Variants in SLC22A16 observed in about 807,000 individuals in gnomAD.
SLC22A16 encodes the protein solute carrier family 22 member 16, also known as WUGSC:RG331P03.1.
SLC22A16 carries 53 observed loss-of-function variants against 52.9 expected under a neutral mutation model. The ratio of observed to expected loss-of-function variants is 1.00; its 90% CI spans 0.80 to 1.26. SLC22A16 has a LOEUF of 1.26. Ranked by LOEUF, SLC22A16 falls within the 50% of genes most tolerant of loss-of-function variation. The pLI is 0.00. For synonymous variants in SLC22A16, 291 were observed against 268.8 expected (o/e 1.08, Z -0.81); for missense variants, 726 against 704.0 (o/e 1.03, Z -0.35).
intron 1 of SLC22A16, among the ~76,000 whole-genome samples, chr6:110,470,205 C>A (rs1317617483): frequency 6.6e-6 from 1 of 152,068 alleles, no homozygotes; most frequent in South Asian, 2.1e-4. Context: ...TTGTTGAGAG[C>A]CTAAGGAGCA....
chr6:110,473,338 C>G (rs148702668), intron 1 of SLC22A16, among the ~76,000 whole-genome samples: 32 of 152,144 alleles, frequency 2.1e-4, no homozygotes, highest in Middle Eastern at 3.4e-3. Context: ...ACTCAGGGAT[C>G]CAGGTTCAGA....
intron 5 of SLC22A16, among the ~76,000 whole-genome samples, chr6:110,436,552 G>A (rs62421681): frequency 0.063 from 9,519 of 152,168 alleles, 380 homozygotes; most frequent in Non-Finnish European, 0.091. Flanking sequence ...TTTAAGCCCA[G>A]GAGTTCAAGA....
chr6:110,445,981 A>G (rs749099306), intron 3 of SLC22A16, among the ~76,000 whole-genome samples: 37 of 152,074 alleles, frequency 2.4e-4, no homozygotes, highest in Non-Finnish European at 3.7e-4. Context: ...GGCCAACTGT[A>G]TGGTTTGCTA....
rs149178323 is a variant in SLC22A16, at chr6:110,448,617, C to G, written c.534-1627G>C. Reference sequence around the variant, plus strand: ...TTGTTGGCCCTATATATGAATGTTCCCCAATCTAATTTTATCCCTGAATGC... The same window carrying G: ...TTGTTGGCCCTATATATGAATGTTCGCCAATCTAATTTTATCCCTGAATGC... On this transcript the variant is annotated intron_variant, in intron 2 of 7. Transcript: ENST00000368919. 2.5e-3 allele frequency among the ~76,000 whole-genome samples: 373 copies of G among 152,230 alleles called. 1 individual carries two copies. The highest frequency in any genetic ancestry group is 8.5e-3 in the African/African-American group (355 of 41,540).
chr6:110,446,254 T>C (rs949722851), intron 3 of SLC22A16, among the ~76,000 whole-genome samples: 4 of 152,222 alleles, frequency 2.6e-5, no homozygotes, highest in Non-Finnish European at 5.9e-5. Flanking sequence ...AGTCCATTTC[T>C]AGTAAGTTAC....
chr6:110,472,285 G>C (rs1299088737), intron 1 of SLC22A16, among the ~76,000 whole-genome samples: 1 of 152,004 alleles, frequency 6.6e-6, no homozygotes, highest in African/African-American at 2.4e-5. Flanking sequence ...AAACTGTCTG[G>C]TTCTCCCTGC....
rs1332076138 is a variant in SLC22A16 at position 110,424,827 on chromosome 6, T to C, written c.*46A>G. 6.2e-7 allele frequency: 1 copy of C among 1,608,724 alleles called. No individual in the cohort carries two copies. Among genetic ancestry groups the C allele is most frequent in the South Asian group, 1.1e-5 (1 of 90,604 alleles). On this transcript the variant is annotated 3_prime_UTR_variant, in exon 8 of 8. Transcript: ENST00000368919. ...ATAAGATTCCTCTAATACAAAGGCA[T>C]TAGGGTAAATAATATTTCAGGTGCT...
intron 5 of SLC22A16, among the ~76,000 whole-genome samples, chr6:110,438,154 A>G (rs1454116926): frequency 6.6e-6 from 1 of 152,148 alleles, no homozygotes; most frequent in African/African-American, 2.4e-5. Flanking sequence ...GTGTGTTCTC[A>G]GCACCTGGCA....
At chr6:110,425,359 C>T in intron 7 of SLC22A16, 1 of 1,379,724 alleles carries the variant, frequency 7.2e-7, no homozygotes, top group Non-Finnish European at 9.6e-7. Context: ...TGCATTATTA[C>T]TCCTGAAGGT....
intron 7 of SLC22A16, among the ~76,000 whole-genome samples, chr6:110,429,671 G>A (rs1337770658): frequency 6.6e-6 from 1 of 152,184 alleles, no homozygotes; most frequent in African/African-American, 2.4e-5. Flanking sequence ...AAGCACAACA[G>A]CCTGACTGGG....
intron 4 of SLC22A16, chr6:110,439,909 A>G (rs1774896616): frequency 6.6e-6 from 1 of 152,246 alleles, no homozygotes; most frequent in African/African-American, 2.4e-5. Flanking sequence ...TAAAATTTAT[A>G]AATTAAGGAC....
At position 110,456,976 on chromosome 6, in the gene SLC22A16, A is replaced by T; in HGVS notation, c.95T>A (p.Ile32Asn). The T allele has an allele frequency of 1.3e-6, 2 of 1,568,688 alleles. No homozygotes were observed. Among genetic ancestry groups the T allele is most frequent in the Non-Finnish European group, 1.7e-6 (2 of 1,159,226 alleles). ...AGCCAAGTAGTGAATACCACAAGAG[A>T]TGTTCTGGAAGGCACATATGAAATA... ...VLYFICAFQN[I>N]SCGIHYLASV... Residue 32 changes from isoleucine to asparagine, a missense_variant, in exon 2 of 8, where the codon ATC (isoleucine) becomes AAC (asparagine). Transcript: ENST00000368919.
chr6:110,474,138 G>T (rs1010137951), intron 1 of SLC22A16, among the ~76,000 whole-genome samples: 1 of 152,202 alleles, frequency 6.6e-6, no homozygotes, highest in Non-Finnish European at 1.5e-5. Context: ...TCTAATGCCT[G>T]ATGATCTGAG....
At chr6:110,458,015 C>T (rs1203446729) in intron 1 of SLC22A16, among the ~76,000 whole-genome samples, 3 of 152,198 alleles carry the variant, frequency 2.0e-5, no homozygotes, top group African/African-American at 7.2e-5. Context: ...TGCTGTGCTT[C>T]AGTGGTCACG....
At chr6:110,462,991 A>G (rs1775938913) in intron 1 of SLC22A16, among the ~76,000 whole-genome samples, 1 of 152,090 alleles carries the variant, frequency 6.6e-6, no homozygotes, top group South Asian at 2.1e-4. Context: ...AAGGAAAAAA[A>G]AAAGCCTCCC....
chr6:110,430,888 TC>T (rs1774471410), intron 7 of SLC22A16, among the ~76,000 whole-genome samples: 1 of 152,110 alleles, frequency 6.6e-6, no homozygotes, highest in Non-Finnish European at 1.5e-5. Flanking sequence ...AGCTCTCCCT[TC>T]CCCAGGCCTG....
At chr6:110,449,729 C>T (rs1392262441) in intron 2 of SLC22A16, among the ~76,000 whole-genome samples, 2 of 152,154 alleles carry the variant, frequency 1.3e-5, no homozygotes. Context: ...TTAGAAATGC[C>T]TCCCAAATAT....
intron 6 of SLC22A16, 139 bp downstream of exon 6, chr6:110,435,713 T>C (rs1774696474): frequency 1.7e-6 from 1 of 603,960 alleles, no homozygotes; most frequent in South Asian, 2.4e-5. Flanking sequence ...AAAATGAGTA[T>C]CAGCATGTCA....
chr6:110,461,228 A>G (rs1002741669), intron 1 of SLC22A16, among the ~76,000 whole-genome samples: 2 of 152,212 alleles, frequency 1.3e-5, no homozygotes, highest in African/African-American at 4.8e-5. Flanking sequence ...GACTGGAGAA[A>G]GAGGCTCTGA....
Sources: gnomAD v4.1 joint callset for allele counts (sites outside exome capture counted in the v4.1 genomes callset) on GRCh38, gnomAD v4.1.1 for gene constraint, MANE v1.5 for transcripts, NCBI Gene and HGNC (gene_info 2026-07-23, HGNC 2026-07-21) for gene names.